Variants in EDARADD observed in about 807,000 individuals in gnomAD.
The protein encoded by EDARADD is EDAR associated via death domain.
In EDARADD, 20 loss-of-function variants were observed where a neutral mutation model predicts 25.6. The ratio of observed to expected loss-of-function variants is 0.78; its 90% CI spans 0.55 to 1.14. The LOEUF is 1.14. EDARADD is among the 50% of genes most tolerant of loss of function. EDARADD has a pLI of 0.00. For synonymous variants in EDARADD, 86 were observed against 94.4 expected, an observed-to-expected ratio of 0.91 and a Z score of 0.52; for missense variants, 225 against 270.1, an observed-to-expected ratio of 0.83 and a Z score of 1.17.
At chr1:236,391,587 A>G (rs1328170313), upstream of EDARADD, among the ~76,000 whole-genome samples, 1 of 152,182 alleles carries the variant, frequency 6.6e-6, no homozygotes, top group Non-Finnish European at 1.5e-5. Flanking sequence ...TGAGCAGCCC[A>G]GTTTGCTGGG....
intron 4 of EDARADD, among the ~76,000 whole-genome samples, chr1:236,446,118 G>A (rs561656111): frequency 1.1e-4 from 16 of 152,232 alleles, no homozygotes; most frequent in Admixed American, 5.9e-4. Flanking sequence ...AGAGAAGAGC[G>A]GGCCATCTTC....
intron 1 of EDARADD, among the ~76,000 whole-genome samples, chr1:236,404,168 A>T (rs1451953099): frequency 2.0e-5 from 3 of 152,202 alleles, no homozygotes; most frequent in Non-Finnish European, 2.9e-5. Flanking sequence ...GCCTTGCCTG[A>T]AGGCTCAGCC....
At chr1:236,376,589 C>T (rs922837470) in intron 3 of EDARADD, among the ~76,000 whole-genome samples, 10 of 151,968 alleles carry the variant, frequency 6.6e-5, no homozygotes, top group South Asian at 4.1e-4. Context: ...TGTCTTTTTT[C>T]GAACTTTTTT....
intron 1 of EDARADD, among the ~76,000 whole-genome samples, chr1:236,403,162 G>T (rs1448929184): frequency 6.6e-6 from 1 of 152,086 alleles, no homozygotes; most frequent in African/African-American, 2.4e-5. Context: ...CACCATGTTG[G>T]CCAGGCTGGT....
At chr1:236,425,485 A>G (rs1038057136) in intron 3 of EDARADD, among the ~76,000 whole-genome samples, 5 of 152,128 alleles carry the variant, frequency 3.3e-5, no homozygotes, top group Non-Finnish European at 5.9e-5. Flanking sequence ...TCTGTCTGCA[A>G]AGGACCGCCC....
chr1:236,409,571 A>AT (rs1156407594), intron 2 of EDARADD, among the ~76,000 whole-genome samples: 2 of 149,180 alleles, frequency 1.3e-5, no homozygotes, highest in African/African-American at 2.5e-5. Context: ...TTTCATTTTT[A>AT]TTTTTTTTTA....
At chr1:236,352,194 G>A (rs61465296) in intron 3 of EDARADD, among the ~76,000 whole-genome samples, 24 of 152,212 alleles carry the variant, frequency 1.6e-4, no homozygotes, top group African/African-American at 5.3e-4. Context: ...ATTCTCCTAT[G>A]ACCACCCTGT....
intron 4 of EDARADD, among the ~76,000 whole-genome samples, chr1:236,434,612 C>G (rs1448765466): frequency 6.6e-6 from 1 of 152,120 alleles, no homozygotes; most frequent in African/African-American, 2.4e-5. Context: ...CAAGACAATT[C>G]TTCTTCTTCC....
chr1:236,365,162 TTCTC>T (rs1032913083), intron 3 of EDARADD, among the ~76,000 whole-genome samples: 3 of 150,384 alleles, frequency 2.0e-5, no homozygotes, highest in Non-Finnish European at 3.0e-5. Flanking sequence ...TTTTTTTTCT[TTCTC>T]TCTCTCTCTC....
rs1216939348 is a variant in EDARADD, at chr1:236,423,158, G to A, written c.161-4234G>A. Among the ~76,000 whole-genome samples, 9 of 152,254 alleles carry A rather than the reference G, an allele frequency of 5.9e-5. No individual in the cohort carries two copies. In the East Asian group the frequency reaches 1.7e-3, roughly 29 times the overall value. ...CCTGTTGTAGACTTTTATTGGAGGGGCCCAAATTTACATTGAGCTGACTTG... is the reference window on the plus strand; with the variant it reads ...CCTGTTGTAGACTTTTATTGGAGGGACCCAAATTTACATTGAGCTGACTTG... On this transcript the variant is annotated intron_variant, in intron 3 of 5. Transcript: ENST00000334232.
chr1:236,483,040 T>C lies in EDARADD; in HGVS notation c.*391T>C. 1 of 664,966 alleles carries C rather than the reference T, an allele frequency of 1.5e-6. No individual in the cohort carries two copies. 41.2% of individuals were successfully genotyped at this position (664,966 alleles called of 1,614,324 possible). ...CATACCCACAGCATTATATGTAACATCTCTCCTGATCAGTGCCATTCCCAC... is the reference window on the plus strand; with the variant it reads ...CATACCCACAGCATTATATGTAACACCTCTCCTGATCAGTGCCATTCCCAC... On this transcript the variant is annotated 3_prime_UTR_variant, in exon 6 of 6. Coordinates refer to ENST00000334232, the MANE Select transcript of EDARADD (RefSeq NM_145861.4).
At chr1:236,478,733 C>T (rs1163811262) in intron 5 of EDARADD, among the ~76,000 whole-genome samples, 6 of 152,084 alleles carry the variant, frequency 3.9e-5, no homozygotes, top group Admixed American at 6.6e-5. Context: ...ACTGCAGGCG[C>T]CCGCCATCAC....
chr1:236,419,112 C>T (rs989988683), intron 3 of EDARADD, among the ~76,000 whole-genome samples: 3 of 152,100 alleles, frequency 2.0e-5, no homozygotes, highest in Admixed American at 6.6e-5. Flanking sequence ...TGAGAAAAGT[C>T]GCTGTTAAAT....
intron 3 of EDARADD, among the ~76,000 whole-genome samples, chr1:236,357,311 TAGTC>T (rs750894778): frequency 2.6e-5 from 4 of 152,122 alleles, no homozygotes; most frequent in Non-Finnish European, 4.4e-5. Flanking sequence ...AATACTGCGT[TAGTC>T]TGTTTGTGTT....
At position 236,409,198 on chromosome 1, in the gene EDARADD, T is replaced by C. The variant is rs377143490; in HGVS notation, c.62-18T>C. 1.6e-4 allele frequency: 261 copies of C among 1,603,844 alleles called. No individual in the cohort carries two copies. Among genetic ancestry groups the C allele is most frequent in the Non-Finnish European group, 2.1e-4 (251 of 1,173,738 alleles). ...AAAGCAAACCCGCTCTATTTGTTTG[T>C]TTTTGTTCTTTTTACAGATCATATG... On this transcript the variant is annotated intron_variant, in intron 1 of 5. Transcript: ENST00000334232.
At chr1:236,383,086 G>A (rs2120959) in intron 3 of EDARADD, among the ~76,000 whole-genome samples, 79,117 of 151,780 alleles carry the variant, frequency 0.52, 22,947 homozygotes, top group Non-Finnish European at 0.65. Flanking sequence ...CTTTCTCTGC[G>A]CTGCAACTTA....
In EDARADD at chr1:236,395,689, C is replaced by T; in HGVS notation, c.61+1184C>T. The T allele has an allele frequency of 1.3e-6, 2 of 1,551,278 alleles. No homozygotes were observed. Among genetic ancestry groups the T allele is most frequent in the East Asian group, 4.8e-5 (2 of 41,686 alleles). On this transcript the variant is annotated intron_variant, in intron 1 of 5. Coordinates refer to ENST00000334232, the MANE Select transcript of EDARADD (RefSeq NM_145861.4). The surrounding 1 kb of genome is among the most constrained non-coding windows in gnomAD (Gnocchi z 6.9). The stretch of plus-strand genomic sequence containing the variant: ...AAGGGACACAGCGCCGCGCCCGCTC[C>T]TGGAGCGAGCACCGCGGGGCGGGAG...
chr1:236,421,976 A>G (rs1485071798), intron 3 of EDARADD, among the ~76,000 whole-genome samples: 1 of 152,218 alleles, frequency 6.6e-6, no homozygotes, highest in Non-Finnish European at 1.5e-5. Context: ...AGAGGGCCAC[A>G]TGGTGAGATG....
intron 3 of EDARADD, among the ~76,000 whole-genome samples, chr1:236,416,750 C>T (rs1367414193): frequency 6.6e-6 from 1 of 152,188 alleles, no homozygotes; most frequent in African/African-American, 2.4e-5. Context: ...TAAAAACTTA[C>T]TCCTACATTT....
Sources: allele counts gnomAD v4.1 joint callset (sites outside exome capture counted in the v4.1 genomes callset), GRCh38; gene constraint gnomAD v4.1.1; non-coding constraint Gnocchi (gnomAD v3.1); transcripts MANE v1.5; gene names NCBI Gene and HGNC (gene_info 2026-07-23, HGNC 2026-07-21).